Variants in CTBP2 observed in about 807,000 individuals in gnomAD.
CTBP2 encodes C-terminal-binding protein 2.
In CTBP2, 30 loss-of-function variants were observed where a neutral mutation model predicts 80.3. The observed-to-expected ratio is 0.37, with a 90% confidence interval of 0.28 to 0.51. The LOEUF is 0.51. Ranked by LOEUF, CTBP2 falls within the 20% of genes least tolerant of loss-of-function variation. The pLI is 0.93. For synonymous variants in CTBP2, 594 were observed against 587.4 expected (o/e 1.01, Z -0.16); for missense variants, 1,212 against 1,375.3 (o/e 0.88, Z 1.88).
At chr10:125,056,043 T>C (rs370679537) in intron 2 of CTBP2, among the ~76,000 whole-genome samples, 1 of 152,052 alleles carries the variant, frequency 6.6e-6, no homozygotes, top group Non-Finnish European at 1.5e-5. Context: ...CACGTGCCTG[T>C]AGTCCCAGCT....
At chr10:124,998,331 C>T in intron 3 of CTBP2, 161 bp from the exon 6 acceptor site, 1 of 718,714 alleles carries the variant, frequency 1.4e-6, no homozygotes, top group Non-Finnish European at 2.3e-6. Flanking sequence ...GCGGTAGGCC[C>T]TCTGGCTCTG....
intron 2 of CTBP2, among the ~76,000 whole-genome samples, chr10:125,045,477 AG>A (rs1324873714): frequency 6.6e-6 from 1 of 152,140 alleles, no homozygotes; most frequent in Non-Finnish European, 1.5e-5. Context: ...TCCCTCTCCA[AG>A]GGCCCCCATA....
At chr10:125,045,026 C>T (rs1376741935) in intron 2 of CTBP2, among the ~76,000 whole-genome samples, 2 of 152,160 alleles carry the variant, frequency 1.3e-5, no homozygotes, top group East Asian at 1.9e-4. Flanking sequence ...TAAAATTCTT[C>T]CATGCTGAAT....
chr10:125,155,238 GC>G (rs967392151), intron 1 of CTBP2, among the ~76,000 whole-genome samples: 33 of 152,200 alleles, frequency 2.2e-4, no homozygotes, highest in African/African-American at 7.5e-4. Context: ...GGATGAATGT[GC>G]CCCTGGTTCC....
intron 2 of CTBP2, among the ~76,000 whole-genome samples, chr10:125,093,402 A>G (rs1234604646): frequency 6.6e-6 from 1 of 152,186 alleles, no homozygotes; most frequent in Non-Finnish European, 1.5e-5. Flanking sequence ...TTCTTTGTAT[A>G]TGTGAAAACC....
At chr10:125,118,468 A>G (rs1204557606) in intron 1 of CTBP2, among the ~76,000 whole-genome samples, 1 of 152,124 alleles carries the variant, frequency 6.6e-6, no homozygotes, top group Non-Finnish European at 1.5e-5. Flanking sequence ...AAAGGGGGGA[A>G]GAAAAGTGGA....
intron 2 of CTBP2, among the ~76,000 whole-genome samples, chr10:125,087,434 C>T (rs1385329499): frequency 6.6e-6 from 1 of 152,062 alleles, no homozygotes; most frequent in East Asian, 1.9e-4. Context: ...TGCGCTGGGC[C>T]GTCCTCCACA....
chr10:125,070,793 G>A (rs1845355938), intron 2 of CTBP2, among the ~76,000 whole-genome samples: 2 of 151,820 alleles, frequency 1.3e-5, no homozygotes, highest in African/African-American at 4.8e-5. Flanking sequence ...AGCCTCCCAA[G>A]TTGCTGGGAT....
chr10:125,121,656 A>T (rs535191457), intron 1 of CTBP2, among the ~76,000 whole-genome samples: 1 of 152,348 alleles, frequency 6.6e-6, no homozygotes, highest in African/African-American at 2.4e-5. Context: ...CCGGGTCCAA[A>T]ATATATTCCC....
At chr10:125,091,592 G>A (rs1401519643) in intron 2 of CTBP2, among the ~76,000 whole-genome samples, 1 of 152,164 alleles carries the variant, frequency 6.6e-6, no homozygotes. Context: ...GGGCAACACA[G>A]GGAGACCCCA....
At chr10:125,131,133 G>A (rs980791619) in intron 1 of CTBP2, among the ~76,000 whole-genome samples, 8 of 152,260 alleles carry the variant, frequency 5.3e-5, no homozygotes, top group African/African-American at 1.4e-4. Context: ...TGCTGTCCCC[G>A]GCTGGGAGCA....
At chr10:125,009,921 A>G (rs1424189273) in intron 1 of CTBP2, among the ~76,000 whole-genome samples, 2 of 152,200 alleles carry the variant, frequency 1.3e-5, no homozygotes, top group Non-Finnish European at 2.9e-5. Flanking sequence ...ACCATGTTAT[A>G]AAAGCTGTTC....
Position 125,026,882 on chromosome 10 carries a change from A to G in CTBP2, c.878T>C (p.Phe293Ser). Residue 293 changes from phenylalanine to serine, a missense_variant, in exon 1 of 9, where the codon TTC becomes TCC. Phe to Ser is a radical substitution (Grantham distance 155, BLOSUM62 -2). Coordinates refer to ENST00000309035, the MANE Select transcript of CTBP2 (RefSeq NM_022802.3). ...CCCCTCCGCCCGCAGAAAGGCCAGG[A>G]ACTCAGGGAGCACGGTCCTCTTGCC... 2 of 1,613,940 alleles carry G rather than the reference A, an allele frequency of 1.2e-6. No individual in the cohort carries two copies. The highest frequency in any genetic ancestry group is 1.1e-5 in the South Asian group (1 of 91,086).
intron 1 of CTBP2, among the ~76,000 whole-genome samples, chr10:125,015,708 G>A (rs1956408627): frequency 6.6e-6 from 1 of 152,250 alleles, no homozygotes; most frequent in Admixed American, 6.5e-5. Flanking sequence ...GAGGTGTTGG[G>A]TGAACAGCTC....
intron 1 of CTBP2, among the ~76,000 whole-genome samples, chr10:125,117,800 AAAC>A (rs1297747598): frequency 2.0e-5 from 3 of 152,208 alleles, no homozygotes; most frequent in African/African-American, 4.8e-5. Flanking sequence ...GGGAAGGAAA[AAAC>A]AACAACCCCG....
intron 2 of CTBP2, among the ~76,000 whole-genome samples, chr10:125,067,914 G>A (rs970311190): frequency 6.6e-6 from 1 of 152,172 alleles, no homozygotes. Context: ...GCAGACCCAG[G>A]GCGGGTCCGA....
chr10:125,091,263 G>C (rs1453189886), intron 2 of CTBP2, among the ~76,000 whole-genome samples: 1 of 152,186 alleles, frequency 6.6e-6, no homozygotes, highest in Non-Finnish European at 1.5e-5. Flanking sequence ...AGGAGTAACA[G>C]GACTCCTTTC....
intron 1 of CTBP2, among the ~76,000 whole-genome samples, chr10:125,151,560 C>T (rs969189096): frequency 3.9e-5 from 6 of 152,358 alleles, no homozygotes; most frequent in South Asian, 2.1e-4. Context: ...CCGCTGTTTA[C>T]CGTTTGCTTG....
rs761617563 is a variant in CTBP2, at chr10:124,984,533, C to T, written c.*4985G>A. On this transcript the variant is annotated 3_prime_UTR_variant, in exon 9 of 9. Coordinates refer to ENST00000309035, the MANE Select transcript of CTBP2 (RefSeq NM_022802.3). The stretch of plus-strand genomic sequence containing the variant: ...TTTTTTATTTTATCTAACAAATTAC[C>T]CTCTAGTGTGCTCCTCTTTAGTTTT... The T allele has an allele frequency of 1.0e-5, 5 of 479,852 alleles. No homozygotes were observed. Among genetic ancestry groups the T allele is most frequent in the Non-Finnish European group, 1.8e-5 (5 of 272,314 alleles). The allele number at this position is 479,852 out of a possible 1,614,324, so 29.7% of individuals were successfully genotyped here.
Sources: gnomAD v4.1 joint callset for allele counts (sites outside exome capture counted in the v4.1 genomes callset) on GRCh38, gnomAD v4.1.1 for gene constraint, MANE v1.5 for transcripts, NCBI Gene and HGNC (gene_info 2026-07-23, HGNC 2026-07-21) for gene names.